Variants in SLC2A13 observed in about 807,000 individuals in gnomAD.
SLC2A13 encodes proton myo-inositol cotransporter.
Under a neutral mutation model 64.4 loss-of-function variants are expected in SLC2A13, and 32 were observed. That is an observed-to-expected ratio of 0.50 (90% CI 0.37 to 0.67). The LOEUF (loss-of-function observed/expected upper bound fraction) is 0.67, where lower values mean the gene tolerates loss of function less well. Among genes scored for constraint, SLC2A13 ranks in the 30% least tolerant of loss-of-function variants. The pLI is 0.00. For synonymous variants in SLC2A13, 338 were observed against 327.1 expected, an observed-to-expected ratio of 1.03 and a Z score of -0.36; for missense variants, 743 against 829.2, an observed-to-expected ratio of 0.90 and a Z score of 1.28.
At chr12:40,055,990 C>A (rs17518176) in intron 1 of SLC2A13, among the ~76,000 whole-genome samples, 3,326 of 137,036 alleles carry the variant, frequency 0.024, 133 homozygotes, top group African/African-American at 0.083. Flanking sequence ...AAAAAACAAA[C>A]AAAAAAAAAA....
At chr12:39,834,588 C>T (rs927848011) in intron 6 of SLC2A13, among the ~76,000 whole-genome samples, 5 of 152,038 alleles carry the variant, frequency 3.3e-5, no homozygotes, top group African/African-American at 1.2e-4. Context: ...TACTGCCCCT[C>T]CATACCATTT....
chr12:39,993,940 C>T (rs549580737), intron 3 of SLC2A13, among the ~76,000 whole-genome samples: 2 of 152,132 alleles, frequency 1.3e-5, no homozygotes, highest in African/African-American at 4.8e-5. Context: ...GAAACATACA[C>T]AGATTTGTTT....
At chr12:39,896,333 T>A (rs1007664484) in intron 4 of SLC2A13, among the ~76,000 whole-genome samples, 3 of 142,434 alleles carry the variant, frequency 2.1e-5, no homozygotes, top group Admixed American at 7.1e-5. Flanking sequence ...TATGTGTATA[T>A]ATGTATACAT....
intron 3 of SLC2A13, among the ~76,000 whole-genome samples, chr12:40,009,066 A>G (rs979250300): frequency 1.3e-5 from 2 of 152,190 alleles, no homozygotes; most frequent in Non-Finnish European, 2.9e-5. Flanking sequence ...TTAATAATAC[A>G]TGCATTATGA....
chr12:39,851,695 G>A (rs1028125707), intron 6 of SLC2A13, among the ~76,000 whole-genome samples: 1 of 152,228 alleles, frequency 6.6e-6, no homozygotes, highest in South Asian at 2.1e-4. Context: ...GAAAAGCAGC[G>A]GAATGAAGGA....
chr12:39,774,769 T>C (rs1940714696), intron 7 of SLC2A13, among the ~76,000 whole-genome samples: 1 of 152,206 alleles, frequency 6.6e-6, no homozygotes, highest in African/African-American at 2.4e-5. Context: ...AAGCCACTTT[T>C]TTCCTGAATA....
At chr12:40,089,133 G>A (rs907863139) in intron 1 of SLC2A13, among the ~76,000 whole-genome samples, 1 of 152,166 alleles carries the variant, frequency 6.6e-6, no homozygotes, top group Non-Finnish European at 1.5e-5. Context: ...GTCAGGAGAG[G>A]ACTGAGGTGC....
At chr12:39,856,514 G>T (rs769982124) in intron 6 of SLC2A13, among the ~76,000 whole-genome samples, 1 of 151,994 alleles carries the variant, frequency 6.6e-6, no homozygotes, top group African/African-American at 2.4e-5. Context: ...GACTACAGGC[G>T]CATGCCACCA....
At chr12:39,917,803 T>C (rs535691399) in intron 4 of SLC2A13, among the ~76,000 whole-genome samples, 6 of 152,148 alleles carry the variant, frequency 3.9e-5, no homozygotes, top group Admixed American at 3.9e-4. Context: ...GTCAATCTTA[T>C]TGGTTCTGTT....
intron 3 of SLC2A13, among the ~76,000 whole-genome samples, chr12:40,015,948 C>T (rs1947613743): frequency 6.6e-6 from 1 of 152,112 alleles, no homozygotes; most frequent in South Asian, 2.1e-4. Flanking sequence ...ACGCACAGTA[C>T]ATGACACATC....
chr12:39,828,918 A>T (rs924355075), intron 7 of SLC2A13, among the ~76,000 whole-genome samples: 7 of 152,112 alleles, frequency 4.6e-5, no homozygotes, highest in Non-Finnish European at 1.0e-4. Context: ...TAATTAGTAT[A>T]TTTAAAATGT....
chr12:39,854,149 C>G (rs1943543669), intron 6 of SLC2A13, among the ~76,000 whole-genome samples: 1 of 151,282 alleles, frequency 6.6e-6, no homozygotes, highest in Non-Finnish European at 1.5e-5. Flanking sequence ...GGCAGGTGGA[C>G]AGAACAAAAT....
At position 39,951,354 on chromosome 12, in the gene SLC2A13, T is replaced by C. The variant is rs2136101337; in HGVS notation, c.937A>G (p.Ile313Val). ...EKEVGSAGPV[I>V]CRMLSYPPTR... ...GGGGGATAACTCAGCATTCTGCAGA[T>C]CACAGGTCCAGCTTTTTTAAGAAAG... Residue 313 changes from isoleucine (I) to valine (V), a missense_variant, in exon 4 of 10, where the codon ATC becomes GTC. Ile to Val is a conservative substitution (Grantham distance 29). This residue lies in a region of SLC2A13 where 448 missense variants were observed against 447.4 expected (regional missense o/e 1.00). Transcript: ENST00000280871. 3 of 1,576,770 alleles carry C rather than the reference T, an allele frequency of 1.9e-6. No individual in the cohort carries two copies. The highest frequency in any genetic ancestry group is 2.6e-6 in the Non-Finnish European group (3 of 1,167,046).
At chr12:40,031,414 G>A (rs1947903445) in intron 2 of SLC2A13, among the ~76,000 whole-genome samples, 1 of 152,134 alleles carries the variant, frequency 6.6e-6, no homozygotes, top group African/African-American at 2.4e-5. Flanking sequence ...GTAGAAACAG[G>A]GTTTCAAAAT....
intron 6 of SLC2A13, among the ~76,000 whole-genome samples, chr12:39,844,372 A>G (rs550854847): frequency 1.3e-5 from 2 of 152,150 alleles, no homozygotes; most frequent in South Asian, 4.1e-4. Context: ...ATATTCTTTA[A>G]TTAGAATTGT....
At position 39,980,504 on chromosome 12, in the gene SLC2A13, A is replaced by C. The variant is rs868776301; in HGVS notation, c.926-29139T>G. 1.1e-3 allele frequency among the ~76,000 whole-genome samples: 170 copies of C among 151,750 alleles called. No homozygotes were observed. The Middle Eastern group carries it at 0.014, about 12-fold the overall frequency. ...ATCTACCAAGCAAATGGAAAACAAA[A>C]AAAGGCAGGGGTTGCAATCCTAGTC... On this transcript the variant is annotated intron_variant, in intron 3 of 9. Transcript: ENST00000280871.
chr12:39,895,489 CAAAAAAAAA>C (rs71075094), intron 4 of SLC2A13, among the ~76,000 whole-genome samples: 1 of 36,738 alleles, frequency 2.7e-5, no homozygotes. Context: ...GACTCTGTCT[CAAAAAAAAA>C]AAAAAAAAAA....
chr12:40,017,672 T>C (rs1336397894), intron 3 of SLC2A13, among the ~76,000 whole-genome samples: 1 of 152,160 alleles, frequency 6.6e-6, no homozygotes, highest in East Asian at 1.9e-4. Context: ...ACCTGGCCTC[T>C]TTTGGTGCCC....
chr12:39,918,539 T>C (rs1945558905), intron 4 of SLC2A13, among the ~76,000 whole-genome samples: 1 of 151,628 alleles, frequency 6.6e-6, no homozygotes, highest in South Asian at 2.1e-4. Flanking sequence ...TGAAAAAGAG[T>C]AGTTAGTATA....
Sources: allele counts gnomAD v4.1 joint callset (sites outside exome capture counted in the v4.1 genomes callset), GRCh38; gene constraint gnomAD v4.1.1; regional missense constraint gnomAD v4.1.1; transcripts MANE v1.5; gene names NCBI Gene and HGNC (gene_info 2026-07-23, HGNC 2026-07-21).